MATR3: variants seen among roughly 807,000 people sequenced by gnomAD.
MATR3 encodes the protein matrin-3.
Under a neutral mutation model 85.5 loss-of-function variants are expected in MATR3, and 4 were observed. That is an observed-to-expected ratio of 0.05 (90% CI 0.02 to 0.11). The LOEUF is 0.11. MATR3 is among the 10% of genes least tolerant of loss of function. The pLI is 1.00. For synonymous variants in MATR3, 336 were observed against 343.1 expected (o/e 0.98, Z 0.23); for missense variants, 685 against 1,016.1 (o/e 0.67, Z 4.43).
chr5:139,324,022 T>A (rs1755713199), intron 12 of MATR3, among the ~76,000 whole-genome samples: 1 of 152,360 alleles, frequency 6.6e-6, no homozygotes, highest in African/African-American at 2.4e-5. Context: ...GTCAAATAAC[T>A]TCATTAATTT....
At position 139,330,908 on chromosome 5, in the gene MATR3, A is replaced by C. The variant is rs1417805320; in HGVS notation, c.*1513A>C. ...TGGGCTCAAATGACCCTCCTACCTC[A>C]GTCTCCTGAGTAGCTGGGACTACAG... On this transcript the variant is annotated 3_prime_UTR_variant, in exon 15 of 15. Transcript: ENST00000394805. 8.8e-6 allele frequency: 4 copies of C among 453,864 alleles called. No homozygotes were observed. The highest frequency in any genetic ancestry group is 1.8e-5 in the Non-Finnish European group (4 of 226,720). The allele number at this position is 453,864 out of a possible 1,614,324, so 28.1% of individuals were successfully genotyped here.
At chr5:139,294,189 C>T in intron 1 of MATR3, 1 of 637,646 alleles carries the variant, frequency 1.6e-6, no homozygotes. Flanking sequence ...GGCCGCGGCG[C>T]TGAGGGGGAG....
intron 2 of MATR3, chr5:139,278,587 C>T (rs963268361): frequency 3.9e-5 from 14 of 356,408 alleles, no homozygotes; most frequent in Non-Finnish European, 5.6e-5. Flanking sequence ...GTGCTTGGCA[C>T]ATGGCAGGAC....
chr5:139,311,785 T>G (rs1395231896), intron 2 of MATR3: 4 of 103,044 alleles, frequency 3.9e-5, no homozygotes, highest in Non-Finnish European at 6.3e-5. Flanking sequence ...TTTTTTTTTT[T>G]GAGAAGGTTT....
rs756428551 is a variant in MATR3 at position 139,316,030 on chromosome 5, T to C, written c.1017-46T>C. 4.9e-5 allele frequency: 66 copies of C among 1,348,362 alleles called. No homozygotes were observed. In the East Asian group the frequency reaches 1.5e-3, roughly 31 times the overall value. The allele number at this position is 1,348,362 out of a possible 1,614,324, so 83.5% of individuals were successfully genotyped here. A position where few individuals can be genotyped will look rare whatever the true frequency, so the allele number is the denominator to read the frequency against. On this transcript the variant is annotated intron_variant, in intron 4 of 14. Coordinates refer to ENST00000394805, the MANE Select transcript of MATR3 (RefSeq NM_018834.6). ...AACATTTAATCTTAATTCTTTCCAA[T>C]GGACCTCTTTATTATGATTTATATT...
At chr5:139,314,570 C>T (rs1755151497) in intron 2 of MATR3, 105 bp from the exon 3 acceptor site, 1 of 856,576 alleles carries the variant, frequency 1.2e-6, no homozygotes, top group African/African-American at 1.7e-5. Context: ...GGTGTTTGTA[C>T]AGCCTATGAT....
chr5:139,325,735 T>G (rs1755823264), intron 13 of MATR3, 73 bp downstream of exon 13: 1 of 1,374,042 alleles, frequency 7.3e-7, no homozygotes. Context: ...AAAATAAGAT[T>G]TTAAAGTTGG....
chr5:139,299,910 G>A (rs1031931877), intron 1 of MATR3: 6 of 152,270 alleles, frequency 3.9e-5, no homozygotes, highest in Admixed American at 3.9e-4. Flanking sequence ...AAGCTAAGCA[G>A]TGTTGGGCCT....
intron 2 of MATR3, chr5:139,310,958 C>A (rs900264051): frequency 6.6e-6 from 1 of 152,246 alleles, no homozygotes; most frequent in African/African-American, 2.4e-5. Flanking sequence ...TGCGCCACCA[C>A]GCCCAGCTAA....
intron 3 of MATR3, chr5:139,279,608 AT>A (rs1191716281): frequency 6.2e-6 from 1 of 160,236 alleles, no homozygotes; most frequent in East Asian, 1.8e-4. Flanking sequence ...GGTTCAAGCG[AT>A]TCTCCTGCCT....
intron 14 of MATR3, among the ~76,000 whole-genome samples, chr5:139,329,056 G>GTGTCAGTTCAGTGTGAC (rs1227334571): frequency 6.6e-6 from 1 of 152,032 alleles, no homozygotes; most frequent in African/African-American, 2.4e-5. Flanking sequence ...TTCTTGAATA[G>GTGTCAGTTCAGTGTGAC]TGTCAGTTCA....
rs575083486 is a variant in MATR3 at position 139,330,064 on chromosome 5, C to G, written c.*669C>G. 4 of 454,438 alleles carry G rather than the reference C, an allele frequency of 8.8e-6. No homozygotes were observed. The highest frequency in any genetic ancestry group is 1.8e-5 in the Non-Finnish European group (4 of 226,760). The allele number at this position is 454,438 out of a possible 1,614,324, so 28.2% of individuals were successfully genotyped here. A position where few individuals can be genotyped will look rare whatever the true frequency, so the allele number is the denominator to read the frequency against. On this transcript the variant is annotated 3_prime_UTR_variant, in exon 15 of 15. Coordinates refer to ENST00000394805, the MANE Select transcript of MATR3 (RefSeq NM_018834.6). ...ATTTTCAGTGAAATGCAAAAATATT[C>G]CCGTTATCTTTGACCAGTATTAATT...
rs116341961 is a variant in MATR3 at position 139,330,673 on chromosome 5, T to C, written c.*1278T>C. 3,127 of 454,150 alleles carry C rather than the reference T, an allele frequency of 6.9e-3. 90 individuals are homozygous for C. Among genetic ancestry groups the C allele is most frequent in the African/African-American group, 0.056 (2,827 of 50,140 alleles). The allele number at this position is 454,150 out of a possible 1,614,324, so 28.1% of individuals were successfully genotyped here. ...CTACAGGTGAACAAACAGAAGCTTA[T>C]GTTTAGAGATATTGATGACTTAACA... On this transcript the variant is annotated 3_prime_UTR_variant, in exon 15 of 15. Coordinates refer to ENST00000394805, the MANE Select transcript of MATR3 (RefSeq NM_018834.6).
In MATR3 at chr5:139,319,474, T is replaced by C; in HGVS notation, c.1575T>C (p.Asn525=). 1.2e-6 allele frequency: 2 copies of C among 1,613,738 alleles called. No individual in the cohort carries two copies. Among genetic ancestry groups the C allele is most frequent in the Non-Finnish European group, 1.7e-6 (2 of 1,179,868 alleles). The part of the protein sequence containing the change: ...KLAEPYGKIK[N]YILMRMKSQA... ...CTGAGCCTTATGGGAAAATAAAGAA[T>C]TACATATTGATGAGGATGAAAAGTC... is the stretch of plus-strand genomic sequence containing the variant. The change falls in exon 9 of 15, where the codon AAT becomes AAC. Residue 525 remains asparagine (N), a synonymous_variant. Transcript: ENST00000394805.
At chr5:139,278,929 G>GA (rs755976960) in intron 2 of MATR3, 1 of 517,424 alleles carries the variant, frequency 1.9e-6, no homozygotes, top group East Asian at 5.4e-5. Flanking sequence ...TTGCACCTCT[G>GA]AGAGTGGAAT....
chr5:139,277,984 C>T (rs1753356095), intron 2 of MATR3, among the ~76,000 whole-genome samples: 1 of 151,948 alleles, frequency 6.6e-6, no homozygotes, highest in Admixed American at 6.6e-5. Flanking sequence ...ATTCCCAGCA[C>T]TTTGGGAGGC....
chr5:139,281,424 C>T (rs1329652072), intron 3 of MATR3, among the ~76,000 whole-genome samples: 2 of 146,098 alleles, frequency 1.4e-5, no homozygotes, highest in East Asian at 4.2e-4. Flanking sequence ...CTCACTGCAA[C>T]CTCCACCTCC....
At chr5:139,289,925 G>A (rs1237245386), upstream of MATR3, among the ~76,000 whole-genome samples, 1 of 152,142 alleles carries the variant, frequency 6.6e-6, no homozygotes, top group African/African-American at 2.4e-5. Context: ...GCTAAATCTT[G>A]TAGATGTCAT....
At chr5:139,315,789 A>T in intron 4 of MATR3, 51 bp downstream of exon 4, 1 of 1,398,492 alleles carries the variant, frequency 7.2e-7, no homozygotes, top group Non-Finnish European at 1.0e-6. Flanking sequence ...AATGTAAGGA[A>T]TTCAGGTTTC....
Sources: gnomAD v4.1 joint callset for allele counts (sites outside exome capture counted in the v4.1 genomes callset) on GRCh38, gnomAD v4.1.1 for gene constraint, MANE v1.5 for transcripts, NCBI Gene and HGNC (gene_info 2026-07-23, HGNC 2026-07-21) for gene names.